The following SLC30A8 variants were observed in gnomAD, a reference collection of about 807,000 sequenced individuals.
SLC30A8 encodes solute carrier family 30 member 8.
SLC30A8 carries 27 observed loss-of-function variants against 36.9 expected under a neutral mutation model. The observed-to-expected ratio is 0.73, with a 90% confidence interval of 0.54 to 1.01. The LOEUF is 1.01. Ranked by LOEUF, SLC30A8 falls within the 50% of genes least tolerant of loss-of-function variation. The probability of loss-of-function intolerance (pLI) is 0.00; values close to 1 mark genes in which losing one functional copy is unlikely to be tolerated. For missense variants in SLC30A8, 439 were observed against 452.0 expected (o/e 0.97, Z 0.26); for synonymous variants, 164 against 172.4 (o/e 0.95, Z 0.38).
chr8:117,113,214 T>C (rs1468329770), intron 2 of SLC30A8, among the ~76,000 whole-genome samples: 2 of 152,182 alleles, frequency 1.3e-5, no homozygotes, highest in Non-Finnish European at 2.9e-5. Context: ...ACATGAAAGT[T>C]TGAGAGGCAA....
intron 2 of SLC30A8, among the ~76,000 whole-genome samples, chr8:117,088,559 TA>T (rs763490186): frequency 1.1e-4 from 16 of 152,190 alleles, no homozygotes; most frequent in Non-Finnish European, 2.4e-4. Context: ...CCCATTTCTG[TA>T]AACTAGATTT....
At chr8:117,114,295 A>G (rs925548545) in intron 2 of SLC30A8, among the ~76,000 whole-genome samples, 1 of 152,130 alleles carries the variant, frequency 6.6e-6, no homozygotes, top group African/African-American at 2.4e-5. Context: ...GACAAGGACC[A>G]TCACTGAACC....
intron 2 of SLC30A8, among the ~76,000 whole-genome samples, chr8:117,063,087 C>A (rs1180805258): frequency 1.3e-5 from 2 of 152,186 alleles, no homozygotes; most frequent in African/African-American, 2.4e-5. Context: ...CCACACAAGC[C>A]AGAATGTAAT....
At position 117,070,003 on chromosome 8, in the gene SLC30A8, T is replaced by C. The variant is rs528954548; in HGVS notation, c.-226+30745T>C. ...ATTTTTATCAATTTATATGTGACTCTTTCACATTCAAACTCAAATGACTTC... is the reference window on the plus strand; with the variant it reads ...ATTTTTATCAATTTATATGTGACTCCTTCACATTCAAACTCAAATGACTTC... On this transcript the variant is annotated intron_variant, in intron 2 of 10. Coordinates refer to the SLC30A8 transcript ENST00000427715. Among the ~76,000 whole-genome samples the C allele has an allele frequency of 2.0e-5, 3 of 152,360 alleles. No homozygotes were observed. In the East Asian group the frequency reaches 5.8e-4, roughly 29 times the overall value.
At chr8:116,997,156 G>A (rs1201033447) in intron 1 of SLC30A8, among the ~76,000 whole-genome samples, 2 of 152,092 alleles carry the variant, frequency 1.3e-5, no homozygotes, top group Non-Finnish European at 2.9e-5. Context: ...GACGAAGGGG[G>A]TGAAGCACAC....
At chr8:117,162,166 C>T (rs983171578) in intron 5 of SLC30A8, among the ~76,000 whole-genome samples, 2 of 152,140 alleles carry the variant, frequency 1.3e-5, no homozygotes, top group African/African-American at 4.8e-5. Context: ...GGATGTGCTC[C>T]TAGACAGACA....
intron 1 of SLC30A8, among the ~76,000 whole-genome samples, chr8:117,023,860 TAAAAAA>T (rs939796649): frequency 6.7e-6 from 1 of 148,604 alleles, no homozygotes; most frequent in Non-Finnish European, 1.5e-5. Flanking sequence ...CCCTAAAACT[TAAAAAA>T]AAAAGAACAT....
chr8:117,113,142 A>G (rs1004463015), intron 2 of SLC30A8, among the ~76,000 whole-genome samples: 1 of 152,180 alleles, frequency 6.6e-6, no homozygotes, highest in South Asian at 2.1e-4. Context: ...TTAGAGAAAT[A>G]CAGACAAACG....
intron 2 of SLC30A8, among the ~76,000 whole-genome samples, chr8:117,080,659 C>T (rs969652401): frequency 6.6e-6 from 1 of 152,182 alleles, no homozygotes; most frequent in African/African-American, 2.4e-5. Context: ...CTGCAAAGAA[C>T]ATGATTTCAT....
intron 1 of SLC30A8, among the ~76,000 whole-genome samples, chr8:117,140,966 C>T (rs977123484): frequency 3.9e-5 from 6 of 151,948 alleles, no homozygotes; most frequent in Non-Finnish European, 7.4e-5. Context: ...AAGACACCGA[C>T]TACCATATGA....
chr8:117,163,427 A>C lies in SLC30A8; in HGVS notation c.726A>C (p.Pro242=). The part of the protein sequence containing the change: ...LISALIIYFK[P]EYKIADPICT... ...AAAATCCCTGTTTTTTTTTCTAGCC[A>C]GAGTATAAAATAGCCGACCCAATCT... The change falls in exon 6 of 8, where the codon CCA becomes CCC. Residue 242 remains proline (P), a splice_region_variant and synonymous_variant. Transcript: ENST00000456015. The C allele has an allele frequency of 6.2e-7, 1 of 1,609,642 alleles. No homozygotes were observed.
intron 1 of SLC30A8, among the ~76,000 whole-genome samples, chr8:117,145,173 A>G (rs1821842982): frequency 6.6e-6 from 1 of 152,132 alleles, no homozygotes; most frequent in Non-Finnish European, 1.5e-5. Flanking sequence ...TTGCAGAACC[A>G]ATAATTCTTA....
intron 1 of SLC30A8, among the ~76,000 whole-genome samples, chr8:117,002,168 A>G (rs1271075853): frequency 6.6e-6 from 1 of 152,190 alleles, no homozygotes; most frequent in East Asian, 1.9e-4. Flanking sequence ...AATTTACTGG[A>G]TTGGTATCTA....
intron 1 of SLC30A8, among the ~76,000 whole-genome samples, chr8:116,971,774 T>G (rs764364767): frequency 2.0e-5 from 3 of 152,156 alleles, no homozygotes; most frequent in Non-Finnish European, 4.4e-5. Flanking sequence ...ATAGGCAATT[T>G]CCTAAATAGC....
intron 6 of SLC30A8, among the ~76,000 whole-genome samples, chr8:117,164,648 C>CA (rs1822970854): frequency 6.6e-6 from 1 of 152,050 alleles, no homozygotes; most frequent in Non-Finnish European, 1.5e-5. Context: ...AGAGATTATT[C>CA]AAAAAATTAC....
At chr8:117,121,256 G>T (rs1283000974) in intron 2 of SLC30A8, among the ~76,000 whole-genome samples, 1 of 151,892 alleles carries the variant, frequency 6.6e-6, no homozygotes, top group African/African-American at 2.4e-5. Flanking sequence ...TTCATTAATG[G>T]ATGAATGGAT....
At chr8:117,161,580 G>A (rs924527094) in intron 4 of SLC30A8, among the ~76,000 whole-genome samples, 158 bp from the exon 5 acceptor site, 1 of 152,180 alleles carries the variant, frequency 6.6e-6, no homozygotes, top group Admixed American at 6.5e-5. Flanking sequence ...TATGACATAT[G>A]TATTTAAACA....
chr8:117,070,222 A>G (rs961112268), intron 2 of SLC30A8, among the ~76,000 whole-genome samples: 14 of 152,064 alleles, frequency 9.2e-5, no homozygotes, highest in African/African-American at 3.4e-4. Flanking sequence ...TTCTCTCATG[A>G]TTCTGTGGGT....
At chr8:116,974,253 A>T (rs1814899434) in intron 1 of SLC30A8, among the ~76,000 whole-genome samples, 1 of 152,206 alleles carries the variant, frequency 6.6e-6, no homozygotes, top group Non-Finnish European at 1.5e-5. Flanking sequence ...TGAACAGGCA[A>T]CCTACAGAAT....
Sources: allele counts gnomAD v4.1 joint callset (sites outside exome capture counted in the v4.1 genomes callset), GRCh38; gene constraint gnomAD v4.1.1; transcripts MANE v1.5; gene names NCBI Gene and HGNC (gene_info 2026-07-23, HGNC 2026-07-21).